BIVM: variants seen among roughly 807,000 people sequenced by gnomAD.
BIVM encodes the protein basic immunoglobulin-like variable motif-containing protein.
In BIVM, 31 loss-of-function variants were observed where a neutral mutation model predicts 61.4. The observed-to-expected ratio is 0.51, with a 90% CI of 0.38 to 0.68. The LOEUF (loss-of-function observed/expected upper bound fraction) is 0.68. Among genes scored for constraint, BIVM ranks in the 30% least tolerant of loss-of-function variants. The pLI is 0.00. For synonymous variants in BIVM, 189 were observed against 210.7 expected (o/e 0.90, Z 0.89); for missense variants, 526 against 596.0 (o/e 0.88, Z 1.22).
chr13:102,805,530 A>G (rs1879007436), intron 2 of BIVM, 140 bp downstream of exon 2: 2 of 152,226 alleles, frequency 1.3e-5, no homozygotes, highest in African/African-American at 2.4e-5. Context: ...TTATGGAGGT[A>G]TAATTCACAC....
intron 9 of BIVM, 54 bp from the exon 10 acceptor site, chr13:102,838,589 A>G (rs1050971103): frequency 4.8e-5 from 70 of 1,461,588 alleles, no homozygotes; most frequent in Non-Finnish European, 5.9e-5. Flanking sequence ...TTCCATTGCA[A>G]TGATACTTTA....
At chr13:102,823,407 A>T (rs920752368) in intron 7 of BIVM, among the ~76,000 whole-genome samples, 1 of 152,170 alleles carries the variant, frequency 6.6e-6, no homozygotes, top group Non-Finnish European at 1.5e-5. Flanking sequence ...TAGACCTTTT[A>T]TCTTTCTATA....
At chr13:102,815,542 C>T (rs1039714192) in intron 3 of BIVM, among the ~76,000 whole-genome samples, 43 of 152,250 alleles carry the variant, frequency 2.8e-4, no homozygotes, top group African/African-American at 9.1e-4. Flanking sequence ...ATACCCCATT[C>T]TCCATGATGT....
chr13:102,800,925 T>C (rs1396718401), intron 1 of BIVM, among the ~76,000 whole-genome samples: 1 of 152,230 alleles, frequency 6.6e-6, no homozygotes. Flanking sequence ...TATTTTGTTA[T>C]ACGAAAAGGC....
In BIVM at chr13:102,816,430, A is replaced by G; in HGVS notation, c.481A>G (p.Asn161Asp). 6.3e-7 allele frequency: 1 copy of G among 1,577,672 alleles called. No individual in the cohort carries two copies. Among genetic ancestry groups the G allele is most frequent in the Non-Finnish European group, 8.6e-7 (1 of 1,167,270 alleles). ...VTTNSKHKSG[N>D]AKKQVSKRKT... ...TATTTTATACTCTTGTATTCTAGGC[A>G]ATGCAAAGAAACAAGTTTCCAAGAG... is the stretch of plus-strand genomic sequence containing the variant. Residue 161 changes from asparagine (N) to aspartate (D), a missense_variant and splice_region_variant, in exon 4 of 11, where the codon AAT becomes GAT. Coordinates refer to ENST00000257336, the MANE Select transcript of BIVM (RefSeq NM_017693.4).
intron 8 of BIVM, among the ~76,000 whole-genome samples, chr13:102,833,389 G>A (rs970889224): frequency 7.4e-6 from 1 of 135,426 alleles, no homozygotes; most frequent in African/African-American, 2.7e-5. Context: ...GTGCAGTGGT[G>A]AGATCATAGC....
intron 3 of BIVM, among the ~76,000 whole-genome samples, chr13:102,809,826 C>T (rs1332473328): frequency 6.6e-6 from 1 of 150,720 alleles, no homozygotes; most frequent in Admixed American, 6.6e-5. Context: ...CGCTCTGTCG[C>T]CCAGGCTGGA....
At chr13:102,825,804 C>CT (rs1880628881) in intron 7 of BIVM, among the ~76,000 whole-genome samples, 5 of 152,160 alleles carry the variant, frequency 3.3e-5, no homozygotes, top group Admixed American at 3.3e-4. Context: ...CCGTGAAAAC[C>CT]TGGGGGGATG....
intron 1 of BIVM, among the ~76,000 whole-genome samples, chr13:102,801,239 T>C (rs942179609): frequency 8.2e-5 from 12 of 146,412 alleles, no homozygotes; most frequent in African/African-American, 3.2e-4. Context: ...TCATTCTTAG[T>C]AGTAAATTTT....
rs1333694351 is a variant in BIVM, at chr13:102,838,697, C to G, written c.1176C>G (p.Ile392Met). The G allele has an allele frequency of 1.2e-6, 2 of 1,613,300 alleles. No homozygotes were observed. Among genetic ancestry groups the G allele is most frequent in the East Asian group, 4.5e-5 (2 of 44,846 alleles). The change falls in exon 10 of 11, where the codon ATC becomes ATG. Residue 392 changes from isoleucine to methionine, a missense_variant. Coordinates refer to ENST00000257336, the MANE Select transcript of BIVM (RefSeq NM_017693.4). ...LNTQNPEYLD[I>M]RHLERGLQYR... is the part of the protein sequence containing the mutation. ...CTCAAAATCCAGAATACCTGGATAT[C>G]CGGCACTTAGAGAGGGGACTGCAGT...
intron 9 of BIVM, among the ~76,000 whole-genome samples, chr13:102,836,336 A>T (rs1331449494): frequency 6.6e-6 from 1 of 152,146 alleles, no homozygotes; most frequent in East Asian, 1.9e-4. Context: ...GTTTTGAGAC[A>T]GGGTCTCTCT....
rs139343334 is a variant in BIVM, at chr13:102,816,834, G to A, written c.605+280G>A. On this transcript the variant is annotated intron_variant, in intron 4 of 10. Transcript: ENST00000257336. ...TAACAATGATTAACCTTTTGATGTA[G>A]TTAAATACTTAGCTTTTCATTGCTG... The A allele has an allele frequency of 6.5e-4, 117 of 179,776 alleles. 3 individuals are homozygous for A. Among genetic ancestry groups the A allele is most frequent in the African/African-American group, 2.7e-3 (117 of 42,628 alleles). 11.1% of individuals were successfully genotyped at this position (179,776 alleles called of 1,614,324 possible).
chr13:102,821,368 A>AT (rs1298258827), intron 5 of BIVM, among the ~76,000 whole-genome samples: 1 of 152,158 alleles, frequency 6.6e-6, no homozygotes, highest in Non-Finnish European at 1.5e-5. Context: ...CCAAGGCGGG[A>AT]GTATTGCTTG....
rs561824541 is a variant in BIVM, at chr13:102,831,937, C to T, written c.1034+240C>T. 2.8e-3 allele frequency among the ~76,000 whole-genome samples: 411 copies of T among 147,694 alleles called. 3 individuals are homozygous for T. Among genetic ancestry groups the T allele is most frequent in the African/African-American group, 9.1e-3 (364 of 40,064 alleles). ...GCAGGCGCCTGTAGTCCCAGCTACT[C>T]GGGAGGCTGAGGGAGGAGAATGGCG... On this transcript the variant is annotated intron_variant, in intron 8 of 10. Coordinates refer to ENST00000257336, the MANE Select transcript of BIVM (RefSeq NM_017693.4).
chr13:102,808,258 T>C (rs1423226155), intron 3 of BIVM, among the ~76,000 whole-genome samples: 2 of 152,232 alleles, frequency 1.3e-5, no homozygotes, highest in Admixed American at 1.3e-4. Flanking sequence ...TGTGCATAAC[T>C]TTCACAGTTG....
At chr13:102,811,916 T>G (rs1879524670) in intron 3 of BIVM, among the ~76,000 whole-genome samples, 1 of 152,244 alleles carries the variant, frequency 6.6e-6, no homozygotes, top group Non-Finnish European at 1.5e-5. Context: ...TATTCATGTT[T>G]TTTAAATCAA....
intron 7 of BIVM, among the ~76,000 whole-genome samples, chr13:102,826,329 C>T (rs1169604935): frequency 1.3e-5 from 2 of 152,222 alleles, no homozygotes; most frequent in African/African-American, 4.8e-5. Flanking sequence ...CGTCCTCCTT[C>T]TGTCTTCTGG....
chr13:102,819,186 A>G (rs953098843), intron 4 of BIVM, among the ~76,000 whole-genome samples: 2 of 152,228 alleles, frequency 1.3e-5, no homozygotes, highest in African/African-American at 4.8e-5. Flanking sequence ...GAATAAGGAC[A>G]TTAGTAAATT....
intron 10 of BIVM, 62 bp downstream of exon 10, chr13:102,838,801 T>C: frequency 1.4e-6 from 2 of 1,457,940 alleles, no homozygotes; most frequent in East Asian, 2.3e-5. Flanking sequence ...GGTGTTTTAC[T>C]TAGCACTCTT....
Sources: gnomAD v4.1 joint callset for allele counts (sites outside exome capture counted in the v4.1 genomes callset) on GRCh38, gnomAD v4.1.1 for gene constraint, MANE v1.5 for transcripts, NCBI Gene and HGNC (gene_info 2026-07-23, HGNC 2026-07-21) for gene names.